The following TCEA1 variants were observed in gnomAD, a reference collection of about 807,000 sequenced individuals.
TCEA1 encodes the protein transcription elongation factor A protein 1.
In TCEA1, 21 loss-of-function variants were observed where a neutral mutation model predicts 43.8. The ratio of observed to expected loss-of-function variants is 0.48; its 90% CI spans 0.34 to 0.69. The LOEUF (loss-of-function observed/expected upper bound fraction) is 0.69, where lower values mean the gene tolerates loss of function less well. TCEA1 is among the 30% of genes least tolerant of loss of function. The probability of loss-of-function intolerance (pLI) is 0.01; values close to 1 mark genes in which losing one functional copy is unlikely to be tolerated. For missense variants in TCEA1, 250 were observed against 365.1 expected (o/e 0.68, Z 2.57); for synonymous variants, 104 against 117.5 (o/e 0.88, Z 0.75).
intron 7 of TCEA1, among the ~76,000 whole-genome samples, chr8:53,983,666 A>G (rs1803590154): frequency 8.4e-6 from 1 of 119,254 alleles, no homozygotes; most frequent in Non-Finnish European, 1.5e-5. Context: ...AAAATTTCGT[A>G]TCAAAAAAAA....
rs760594023 is a variant in TCEA1, at chr8:54,022,075, C to T, written c.51G>A (p.Gln17=). Residue 17 remains glutamine, a synonymous_variant, in exon 1 of 10, where the codon CAG becomes CAA. Transcript: ENST00000521604. ...TCGCCGCGCTCACCGCGTTCTTCTT[C>T]TGCACCATCTTGTCCATCTTCTTGG... ...RFAKKMDKMV[Q]KKNAAGALDL... 16 of 1,527,206 alleles carry T rather than the reference C, an allele frequency of 1.0e-5. No homozygotes were observed. Among genetic ancestry groups the T allele is most frequent in the Non-Finnish European group, 1.3e-5 (15 of 1,129,266 alleles). 94.6% of individuals were successfully genotyped at this position (1,527,206 alleles called of 1,614,324 possible).
In TCEA1 at chr8:53,996,903, C is replaced by CTTTTT. The variant is rs754537318; in HGVS notation, c.232+3037_232+3041dup. Among the ~76,000 whole-genome samples the CTTTTT allele has an allele frequency of 9.4e-5, 11 of 116,596 alleles. 1 individual carries two copies. The highest frequency in any genetic ancestry group is 3.7e-4 in the African/African-American group (10 of 26,732). 76.5% of individuals were successfully genotyped at this position (116,596 alleles called of 152,430 possible). On this transcript the variant is annotated intron_variant, in intron 3 of 9. Coordinates refer to ENST00000521604, the MANE Select transcript of TCEA1 (RefSeq NM_006756.4). ...AGCTAAGGGGTAAAAAGAAGGTTGT[C>CTTTTT]TTTTTTTTTTTTTTTAGACAGACTC...
At chr8:53,977,575 T>G (rs1803370763) in intron 8 of TCEA1, among the ~76,000 whole-genome samples, 1 of 152,222 alleles carries the variant, frequency 6.6e-6, no homozygotes, top group Non-Finnish European at 1.5e-5. Flanking sequence ...CTTAATGTTC[T>G]ATCGGTGAAA....
At chr8:53,980,997 G>A (rs539663315) in intron 7 of TCEA1, among the ~76,000 whole-genome samples, 81 of 152,282 alleles carry the variant, frequency 5.3e-4, no homozygotes, top group Non-Finnish European at 7.4e-4. Context: ...TAGTGGCCTA[G>A]ACAGAAGATC....
intron 8 of TCEA1, 118 bp from the exon 9 acceptor site, chr8:53,970,581 T>A (rs1563458246): frequency 5.2e-6 from 3 of 575,274 alleles, no homozygotes; most frequent in Non-Finnish European, 9.1e-6. Context: ...ATAAAATGAA[T>A]AGAAGTCTGA....
At chr8:53,970,233 G>A (rs10095163) in intron 9 of TCEA1, 159 bp downstream of exon 9, 43,892 of 695,358 alleles carry the variant, frequency 0.063, 7,625 homozygotes, top group African/African-American at 0.51. Context: ...AGGGTAACAA[G>A]ATGGTATATT....
chr8:53,992,978 G>A (rs1040327257), intron 4 of TCEA1, among the ~76,000 whole-genome samples: 43 of 145,942 alleles, frequency 2.9e-4, no homozygotes, highest in African/African-American at 1.1e-3. Context: ...TTTAAGATAA[G>A]GTCTCACTCC....
chr8:54,012,770 T>C (rs944193933), intron 1 of TCEA1, among the ~76,000 whole-genome samples: 4 of 151,902 alleles, frequency 2.6e-5, no homozygotes, highest in African/African-American at 9.7e-5. Context: ...ACCCCCTCTC[T>C]ACAAAAAATA....
chr8:53,968,658 G>A lies in TCEA1; in HGVS notation c.898-546C>T, dbSNP rs182427994. 6.6e-3 allele frequency among the ~76,000 whole-genome samples: 997 copies of A among 151,336 alleles called. 18 individuals are homozygous for A. Among genetic ancestry groups the A allele is most frequent in the African/African-American group, 0.019 (795 of 41,264 alleles). On this transcript the variant is annotated intron_variant, in intron 9 of 9. Coordinates refer to ENST00000521604, the MANE Select transcript of TCEA1 (RefSeq NM_006756.4). ...GGAGATCAAGACCATCCTGGCCAACGTGGTGAAACCCCGTCTCTACTAAAA... is the reference window on the plus strand; with the variant it reads ...GGAGATCAAGACCATCCTGGCCAACATGGTGAAACCCCGTCTCTACTAAAA...
At position 53,983,464 on chromosome 8, in the gene TCEA1, AT is replaced by A. The variant is rs1483375856; in HGVS notation, c.678+898del. On this transcript the variant is annotated intron_variant, in intron 7 of 9. Transcript: ENST00000521604. ...CTATAAATAGCAAGCTATAAATTTC[AT>A]TTTTTCCATAATTCCCTGTAAAAAT... Among the ~76,000 whole-genome samples the A allele has an allele frequency of 5.3e-5, 8 of 152,320 alleles. No individual in the cohort carries two copies. In the East Asian group the frequency reaches 1.5e-3, roughly 29 times the overall value.
chr8:54,022,276 C>CGCT lies in TCEA1; in HGVS notation c.-152_-151insAGC. The CGCT allele has an allele frequency of 2.3e-6, 2 of 883,748 alleles. No homozygotes were observed. Among genetic ancestry groups the CGCT allele is most frequent in the South Asian group, 1.7e-5 (1 of 60,436 alleles). 54.7% of individuals were successfully genotyped at this position (883,748 alleles called of 1,614,324 possible). A position where few individuals can be genotyped will look rare whatever the true frequency, so the allele number is the denominator to read the frequency against. ...GGCCCCCTTCCTTACGAACGAAGCCCGCGGCGGCGGCGGCGGCGGCGGCGG... is the reference window on the plus strand; with the variant it reads ...GGCCCCCTTCCTTACGAACGAAGCCCGCTGCGGCGGCGGCGGCGGCGGCGGCGG... On this transcript the variant is annotated 5_prime_UTR_variant, in exon 1 of 10. Coordinates refer to ENST00000521604, the MANE Select transcript of TCEA1 (RefSeq NM_006756.4).
intron 8 of TCEA1, among the ~76,000 whole-genome samples, chr8:53,977,961 C>A (rs1406379960): frequency 6.6e-6 from 1 of 152,122 alleles, no homozygotes; most frequent in Non-Finnish European, 1.5e-5. Flanking sequence ...GTAACCAATA[C>A]AATTGCTTAT....
chr8:53,995,899 C>T (rs1197994322), intron 3 of TCEA1, among the ~76,000 whole-genome samples: 2 of 152,176 alleles, frequency 1.3e-5, no homozygotes, highest in Non-Finnish European at 2.9e-5. Flanking sequence ...TGATAAAACA[C>T]GCACATACAC....
chr8:53,984,722 A>G (rs1335960340), intron 6 of TCEA1, among the ~76,000 whole-genome samples: 1 of 152,026 alleles, frequency 6.6e-6, no homozygotes, highest in Non-Finnish European at 1.5e-5. Context: ...TCTCTATTAA[A>G]AACACAAAAA....
In TCEA1 at chr8:53,999,239, A is replaced by G. The variant is rs1321230288; in HGVS notation, c.232+706T>C. Among the ~76,000 whole-genome samples the G allele has an allele frequency of 5.3e-5, 8 of 151,074 alleles. No homozygotes were observed. The East Asian group carries it at 1.5e-3, about 29-fold the overall frequency. ...GACTCAGTCTCAAAAAAAAAAAAAA[A>G]AAAAAAAGAAAGAAAACTAGCTATG... On this transcript the variant is annotated intron_variant, in intron 3 of 9. Transcript: ENST00000521604.
At chr8:54,017,010 A>C (rs1263521247) in intron 1 of TCEA1, among the ~76,000 whole-genome samples, 1 of 151,364 alleles carries the variant, frequency 6.6e-6, no homozygotes, top group Non-Finnish European at 1.5e-5. Context: ...AGACTATACT[A>C]AGCAAAAGAG....
In TCEA1 at chr8:54,022,299, CGG is replaced by C; in HGVS notation, c.-176_-175del. ...CCCGCGGCGGCGGCGGCGGCGGCGG[CGG>C]CTCCGGCTCCTCCTCCCCAGGCAGC... On this transcript the variant is annotated 5_prime_UTR_variant, in exon 1 of 10. An upstream open reading frame in the 5' UTR loses its in-frame stop. Transcript: ENST00000521604. 1 of 737,298 alleles carries C rather than the reference CGG, an allele frequency of 1.4e-6. No individual in the cohort carries two copies. The highest frequency in any genetic ancestry group is 2.3e-6 in the Non-Finnish European group (1 of 443,558). 45.7% of individuals were successfully genotyped at this position (737,298 alleles called of 1,614,324 possible).
rs202144800 is a variant in TCEA1 at position 53,977,123 on chromosome 8, C to T, written c.825+1902G>A. Among the ~76,000 whole-genome samples, 13 of 152,120 alleles carry T rather than the reference C, an allele frequency of 8.5e-5. 1 individual carries two copies. The East Asian group carries it at 2.3e-3, about 27-fold the overall frequency. On this transcript the variant is annotated intron_variant, in intron 8 of 9. Coordinates refer to ENST00000521604, the MANE Select transcript of TCEA1 (RefSeq NM_006756.4). The stretch of plus-strand genomic sequence containing the variant: ...TCACGAGGTCAGGAGATCGAGACCA[C>T]CCTGGCTAACACAGTGAAACCCCGT...
chr8:53,968,671 G>A (rs547797472), intron 9 of TCEA1, among the ~76,000 whole-genome samples: 40 of 151,560 alleles, frequency 2.6e-4, no homozygotes, highest in African/African-American at 9.4e-4. Context: ...GTGAAACCCC[G>A]TCTCTACTAA....
Sources: gnomAD v4.1 joint callset for allele counts (sites outside exome capture counted in the v4.1 genomes callset) on GRCh38, gnomAD v4.1.1 for gene constraint, MANE v1.5 for transcripts, NCBI Gene and HGNC (gene_info 2026-07-23, HGNC 2026-07-21) for gene names.